The following GNAL variants were observed in gnomAD, a reference collection of about 807,000 sequenced individuals.
GNAL encodes G protein subunit alpha L, also known as guanine nucleotide-binding protein G(olf) subunit alpha.
GNAL carries 18 observed loss-of-function variants against 55.1 expected under a neutral mutation model. That is an observed-to-expected ratio of 0.33 (90% CI 0.23 to 0.48). The LOEUF (loss-of-function observed/expected upper bound fraction) is 0.48. Ranked by LOEUF, GNAL falls within the 20% of genes least tolerant of loss-of-function variation. The pLI, the probability that GNAL is intolerant of heterozygous loss-of-function variation, is 0.99. For missense variants in GNAL, 412 were observed against 614.1 expected (o/e 0.67, Z 3.48); for synonymous variants, 253 against 237.0 (o/e 1.07, Z -0.62).
intron 4 of GNAL, among the ~76,000 whole-genome samples, chr18:11,783,167 G>T (rs2033966698): frequency 6.6e-6 from 1 of 152,124 alleles, no homozygotes; most frequent in African/African-American, 2.4e-5. Flanking sequence ...TATATTCCAG[G>T]TTTAATTTGT....
At position 11,693,741 on chromosome 18, in the gene GNAL, C is replaced by CT. The variant is rs576637274; in HGVS notation, c.376+3821dup. Among the ~76,000 whole-genome samples, 170 of 110,966 alleles carry CT rather than the reference C, an allele frequency of 1.5e-3. 1 individual carries two copies. The highest frequency in any genetic ancestry group is 5.5e-3 in the Middle Eastern group (1 of 182). 72.8% of individuals were successfully genotyped at this position (110,966 alleles called of 152,430 possible). A position where few individuals can be genotyped will look rare whatever the true frequency, so the allele number is the denominator to read the frequency against. On this transcript the variant is annotated intron_variant, in intron 1 of 11. Transcript: ENST00000334049. ...GAAGGTGCACTTGCTCCAGCAGTGT[C>CT]TTTTTTTTTTTTTTTTTTTAATCCC... is the stretch of plus-strand genomic sequence containing the variant.
At position 11,800,389 on chromosome 18, in the gene GNAL, C is replaced by T. The variant is rs146984121; in HGVS notation, c.625-24529C>T. On this transcript the variant is annotated intron_variant, in intron 4 of 11. Transcript: ENST00000334049. ...ACTGCGAATTGGGAGAATTGCTGAA[C>T]ATGTACATTGCTTATTATCCTCTCA... Among the ~76,000 whole-genome samples, 9 of 152,294 alleles carry T rather than the reference C, an allele frequency of 5.9e-5. No homozygotes were observed. The East Asian group carries it at 1.7e-3, about 29-fold the overall frequency.
chr18:11,775,320 A>G (rs2033750282), intron 4 of GNAL, among the ~76,000 whole-genome samples: 1 of 152,208 alleles, frequency 6.6e-6, no homozygotes, highest in African/African-American at 2.4e-5. Context: ...ACACACTGGG[A>G]GGAAATATTT....
chr18:11,826,942 A>G (rs16976714), intron 5 of GNAL, among the ~76,000 whole-genome samples: 46,160 of 152,044 alleles, frequency 0.3, 8,349 homozygotes, highest in African/African-American at 0.5. Flanking sequence ...GCAGAGAGGC[A>G]AGGGCTCTGG....
chr18:11,745,431 T>A (rs2032668362), intron 1 of GNAL, among the ~76,000 whole-genome samples: 1 of 152,230 alleles, frequency 6.6e-6, no homozygotes, highest in African/African-American at 2.4e-5. Context: ...GTTTTTAAAT[T>A]ATTATTCAAA....
At chr18:11,769,662 A>G (rs8095571) in intron 4 of GNAL, among the ~76,000 whole-genome samples, 26,939 of 152,238 alleles carry the variant, frequency 0.18, 5,554 homozygotes, top group African/African-American at 0.5. Context: ...AATATGTTCA[A>G]ACAAATTGAA....
intron 4 of GNAL, among the ~76,000 whole-genome samples, chr18:11,774,676 C>T (rs1402172386): frequency 6.6e-6 from 1 of 152,094 alleles, no homozygotes; most frequent in Non-Finnish European, 1.5e-5. Context: ...GAGAATGGTT[C>T]AGAATTTGAG....
rs2032944501 is a variant in GNAL at position 11,753,819 on chromosome 18, A to AT, written c.505-3dup. On this transcript the variant is annotated splice_region_variant and splice_polypyrimidine_tract_variant and intron_variant, in intron 3 of 11. Coordinates refer to ENST00000334049, the MANE Select transcript of GNAL (RefSeq NM_182978.4). The stretch of plus-strand genomic sequence containing the variant: ...TTATCCATATTTTTTTTCTTATTCC[A>AT]TTTTAGACAATTGTTTCAGCAATGA... 6.2e-7 allele frequency: 1 copy of AT among 1,604,732 alleles called. No homozygotes were observed. Among genetic ancestry groups the AT allele is most frequent in the African/African-American group, 1.3e-5 (1 of 74,604 alleles).
chr18:11,816,284 TTTTTTTA>T (rs1272162135), intron 4 of GNAL, among the ~76,000 whole-genome samples: 3 of 151,988 alleles, frequency 2.0e-5, no homozygotes, highest in South Asian at 2.1e-4. Flanking sequence ...AACTCAGCAA[TTTTTTTA>T]TTTTTTATTT....
chr18:11,821,794 G>A (rs2143631455), intron 4 of GNAL, among the ~76,000 whole-genome samples: 1 of 152,304 alleles, frequency 6.6e-6, no homozygotes, highest in Non-Finnish European at 1.5e-5. Flanking sequence ...TCCTTGAGCA[G>A]GGGCCCCAGT....
chr18:11,726,923 G>A (rs1166046782), intron 1 of GNAL, among the ~76,000 whole-genome samples: 2 of 152,048 alleles, frequency 1.3e-5, no homozygotes, highest in Non-Finnish European at 2.9e-5. Flanking sequence ...CAGGTTGTAA[G>A]GAAAAGTAGT....
chr18:11,837,371 A>G (rs2035519826), intron 5 of GNAL, among the ~76,000 whole-genome samples: 1 of 152,248 alleles, frequency 6.6e-6, no homozygotes, highest in South Asian at 2.1e-4. Context: ...TAAATCATGC[A>G]TCTGATAAAG....
At chr18:11,842,057 T>C (rs2035627649) in intron 5 of GNAL, among the ~76,000 whole-genome samples, 1 of 151,990 alleles carries the variant, frequency 6.6e-6, no homozygotes, top group Non-Finnish European at 1.5e-5. Flanking sequence ...ACCTCAACCT[T>C]CGCCTCCCGG....
In GNAL at chr18:11,881,210, CAG is replaced by C. The variant is rs2036682875; in HGVS notation, c.*78_*79del. ...GCCAGCCCCATGCCATGGTAGGAGG[CAG>C]AGTCTCTAGTTCCATCTCGCTGCCG... On this transcript the variant is annotated 3_prime_UTR_variant, in exon 12 of 12. Coordinates refer to ENST00000334049, the MANE Select transcript of GNAL (RefSeq NM_182978.4). The surrounding 1 kb of genome is among the most constrained non-coding windows in gnomAD (Gnocchi z 4.8). 3.5e-6 allele frequency: 5 copies of C among 1,420,866 alleles called. No homozygotes were observed. Among genetic ancestry groups the C allele is most frequent in the South Asian group, 1.3e-5 (1 of 76,570 alleles). The allele number at this position is 1,420,866 out of a possible 1,614,324, so 88.0% of individuals were successfully genotyped here.
At chr18:11,846,655 A>T (rs919424607) in intron 5 of GNAL, among the ~76,000 whole-genome samples, 1 of 151,828 alleles carries the variant, frequency 6.6e-6, no homozygotes, top group African/African-American at 2.4e-5. Flanking sequence ...TATTTTTTGT[A>T]GAGACCGGGT....
intron 5 of GNAL, among the ~76,000 whole-genome samples, chr18:11,825,262 A>AT (rs1383486412): frequency 1.3e-5 from 2 of 152,174 alleles, no homozygotes; most frequent in Non-Finnish European, 2.9e-5. Flanking sequence ...AGTTCTCTTC[A>AT]TTTTTTGACT....
chr18:11,776,738 A>C (rs900776527), intron 4 of GNAL, among the ~76,000 whole-genome samples: 2 of 150,516 alleles, frequency 1.3e-5, no homozygotes, highest in Admixed American at 6.6e-5. Context: ...AAGAATTTAC[A>C]CCTTGCAAAT....
At chr18:11,833,026 A>C (rs914480868) in intron 5 of GNAL, among the ~76,000 whole-genome samples, 53 of 150,766 alleles carry the variant, frequency 3.5e-4, no homozygotes, top group African/African-American at 1.3e-3. Context: ...CTCTATCTCT[A>C]GCCAAATTTA....
At chr18:11,824,880 C>CTTT (rs113286306) in intron 4 of GNAL, 38 bp from the exon 5 acceptor site, 78 of 1,027,860 alleles carry the variant, frequency 7.6e-5, no homozygotes, top group African/African-American at 3.0e-4. Context: ...GGTTATTACA[C>CTTT]TTTTTTTTTT....
Sources: allele counts gnomAD v4.1 joint callset (sites outside exome capture counted in the v4.1 genomes callset), GRCh38; gene constraint gnomAD v4.1.1; non-coding constraint Gnocchi (gnomAD v3.1); transcripts MANE v1.5; gene names NCBI Gene and HGNC (gene_info 2026-07-23, HGNC 2026-07-21).